Variants in CFAP299 observed in about 807,000 individuals in gnomAD.
CFAP299 encodes cilia- and flagella-associated protein 299.
A neutral mutation model predicts 27.0 loss-of-function variants in CFAP299; 21 were observed. That is an observed-to-expected ratio of 0.78 (90% confidence interval 0.55 to 1.12). The LOEUF is 1.12. Among genes scored for constraint, CFAP299 ranks in the 50% most tolerant of loss-of-function variants. The probability of loss-of-function intolerance (pLI) is 0.00; values close to 1 mark genes in which losing one functional copy is unlikely to be tolerated. For missense variants in CFAP299, 310 were observed against 276.6 expected (o/e 1.12, Z -0.86); for synonymous variants, 104 against 98.1 (o/e 1.06, Z -0.36).
intron 3 of CFAP299, among the ~76,000 whole-genome samples, chr4:80,855,541 T>C (rs1440156735): frequency 6.6e-6 from 1 of 152,198 alleles, no homozygotes; most frequent in Non-Finnish European, 1.5e-5. Flanking sequence ...TATCTCACAA[T>C]GCTATCCCTC....
At chr4:80,438,335 A>G (rs1163387136) in intron 2 of CFAP299, among the ~76,000 whole-genome samples, 1 of 152,196 alleles carries the variant, frequency 6.6e-6, no homozygotes, top group African/African-American at 2.4e-5. Context: ...TTGAGTTTCC[A>G]GGGGGCCTAA....
intron 2 of CFAP299, among the ~76,000 whole-genome samples, chr4:80,571,384 G>GAAAC (rs5859729): frequency 0.047 from 7,214 of 152,044 alleles, 432 homozygotes; most frequent in African/African-American, 0.14. Flanking sequence ...GAACTGGAGA[G>GAAAC]AAATAACTGA....
chr4:80,523,880 G>T (rs1186240975), intron 2 of CFAP299, among the ~76,000 whole-genome samples: 1 of 151,976 alleles, frequency 6.6e-6, no homozygotes, highest in Non-Finnish European at 1.5e-5. Context: ...CTAACACCAG[G>T]CATGCTAGTT....
rs770740251 is a variant in CFAP299, at chr4:80,400,285, TA to T, written c.242+37403del. On this transcript the variant is annotated intron_variant, in intron 2 of 5. Coordinates refer to ENST00000358105, the MANE Select transcript of CFAP299 (RefSeq NM_152770.3). ...AGGAGTTTAGATGTTTTAACTTGTT[TA>T]ACGCTCACAACTATCTTGATAGACA... Among the ~76,000 whole-genome samples, 3 of 152,234 alleles carry T rather than the reference TA, an allele frequency of 2.0e-5. No individual in the cohort carries two copies. The East Asian group carries it at 5.8e-4, about 29-fold the overall frequency.
At chr4:80,384,602 A>G (rs1724874611) in intron 2 of CFAP299, among the ~76,000 whole-genome samples, 1 of 152,186 alleles carries the variant, frequency 6.6e-6, no homozygotes, top group South Asian at 2.1e-4. Context: ...GAGGAAAAAC[A>G]CCTATTTTAA....
At chr4:80,772,527 C>A (rs1367223205) in intron 3 of CFAP299, among the ~76,000 whole-genome samples, 1 of 151,920 alleles carries the variant, frequency 6.6e-6, no homozygotes, top group African/African-American at 2.4e-5. Context: ...CTTGAGAAAG[C>A]ATACTTTCCC....
intron 2 of CFAP299, among the ~76,000 whole-genome samples, chr4:80,481,223 G>A (rs1343175878): frequency 6.6e-6 from 1 of 151,940 alleles, no homozygotes; most frequent in Non-Finnish European, 1.5e-5. Flanking sequence ...CAATGAGAAT[G>A]CTATTGTGAA....
intron 3 of CFAP299, among the ~76,000 whole-genome samples, chr4:80,730,738 A>G (rs1255845276): frequency 1.3e-5 from 2 of 152,298 alleles, no homozygotes; most frequent in African/African-American, 4.8e-5. Context: ...TTGCTATTTT[A>G]AACTGCTAAA....
intron 4 of CFAP299, among the ~76,000 whole-genome samples, chr4:80,874,754 A>T (rs1270682129): frequency 6.6e-6 from 1 of 152,112 alleles, no homozygotes; most frequent in Non-Finnish European, 1.5e-5. Flanking sequence ...ACACATTCAA[A>T]CCATAGCAAT....
At chr4:80,882,780 AAG>A (rs1733776225) in intron 4 of CFAP299, among the ~76,000 whole-genome samples, 1 of 152,162 alleles carries the variant, frequency 6.6e-6, no homozygotes, top group African/African-American at 2.4e-5. Context: ...AAAATATTAA[AAG>A]AGAAAAAACT....
In CFAP299 at chr4:80,531,487, G is replaced by C. The variant is rs149002336; in HGVS notation, c.243-51606G>C. 7.9e-4 allele frequency among the ~76,000 whole-genome samples: 121 copies of C among 152,218 alleles called. 1 individual carries two copies. The highest frequency in any genetic ancestry group is 2.8e-3 in the African/African-American group (118 of 41,542). ...AGGGAACTAGGCACCACCTACAGTT[G>C]ATATAATTTTCAATTTGCAATTATA... On this transcript the variant is annotated intron_variant, in intron 2 of 5. Transcript: ENST00000358105.
chr4:80,512,690 G>A (rs1239151494), intron 2 of CFAP299, among the ~76,000 whole-genome samples: 1 of 152,022 alleles, frequency 6.6e-6, no homozygotes, highest in Admixed American at 6.6e-5. Context: ...GAGAAATTAT[G>A]TTAGAGCTGT....
At chr4:80,503,344 T>C (rs1280850265) in intron 2 of CFAP299, among the ~76,000 whole-genome samples, 5 of 152,148 alleles carry the variant, frequency 3.3e-5, no homozygotes, top group African/African-American at 1.2e-4. Context: ...GCCTGGATTG[T>C]CTTCCTCCTC....
chr4:80,406,380 T>C (rs1473166048), intron 2 of CFAP299, among the ~76,000 whole-genome samples: 2 of 152,152 alleles, frequency 1.3e-5, no homozygotes, highest in African/African-American at 4.8e-5. Flanking sequence ...TAATTTTTAT[T>C]TTTTGAGACA....
intron 2 of CFAP299, among the ~76,000 whole-genome samples, chr4:80,463,049 TTGCAA>T (rs1161056254): frequency 6.6e-6 from 1 of 152,152 alleles, no homozygotes; most frequent in Non-Finnish European, 1.5e-5. Flanking sequence ...TGTTTTGTAG[TTGCAA>T]ATATTTGAAA....
chr4:80,333,248 C>A (rs375326796), upstream of CFAP299, among the ~76,000 whole-genome samples: 5 of 152,106 alleles, frequency 3.3e-5, no homozygotes, highest in African/African-American at 1.2e-4. Context: ...GATCTCATCA[C>A]GAGAAATAGC....
At chr4:80,590,338 C>G (rs933701721) in intron 3 of CFAP299, among the ~76,000 whole-genome samples, 21 of 152,012 alleles carry the variant, frequency 1.4e-4, no homozygotes, top group African/African-American at 4.8e-4. Flanking sequence ...ATTTAAAACA[C>G]TATTTAGAAC....
intron 2 of CFAP299, among the ~76,000 whole-genome samples, chr4:80,479,312 A>G (rs1730439024): frequency 6.6e-6 from 1 of 152,048 alleles, no homozygotes; most frequent in Non-Finnish European, 1.5e-5. Context: ...AGAATTAGAA[A>G]TTAAGTTTAC....
chr4:80,654,689 C>G (rs1340250204), intron 3 of CFAP299, among the ~76,000 whole-genome samples: 2 of 151,902 alleles, frequency 1.3e-5, no homozygotes, highest in Admixed American at 1.3e-4. Context: ...TCATAGCTTA[C>G]TGCAATCTCC....
Sources: gnomAD v4.1 joint callset for allele counts (sites outside exome capture counted in the v4.1 genomes callset) on GRCh38, gnomAD v4.1.1 for gene constraint, MANE v1.5 for transcripts, NCBI Gene and HGNC (gene_info 2026-07-23, HGNC 2026-07-21) for gene names.